STXBP5L: variants seen among roughly 807,000 people sequenced by gnomAD.
STXBP5L encodes syntaxin-binding protein 5-like.
Under a neutral mutation model 144.5 loss-of-function variants are expected in STXBP5L, and 65 were observed. The ratio of observed to expected loss-of-function variants is 0.45; its 90% confidence interval spans 0.37 to 0.55. The LOEUF (loss-of-function observed/expected upper bound fraction) is 0.55. STXBP5L is among the 20% of genes least tolerant of loss of function. The pLI is 0.00. For synonymous variants in STXBP5L, 505 were observed against 469.6 expected (o/e 1.08, Z -0.97); for missense variants, 1,298 against 1,405.5 (o/e 0.92, Z 1.22).
chr3:121,173,020 G>T (rs1157684267), intron 9 of STXBP5L, among the ~76,000 whole-genome samples: 1 of 152,146 alleles, frequency 6.6e-6, no homozygotes, highest in African/African-American at 2.4e-5. Context: ...ATGAGTTCAT[G>T]TTCTTTATAA....
At chr3:121,342,382 A>C (rs2044746954) in intron 20 of STXBP5L, among the ~76,000 whole-genome samples, 1 of 152,064 alleles carries the variant, frequency 6.6e-6, no homozygotes, top group South Asian at 2.1e-4. Context: ...GTTTTAGGGT[A>C]CATGTGCACA....
intron 9 of STXBP5L, among the ~76,000 whole-genome samples, chr3:121,159,158 G>C (rs890380571): frequency 2.6e-5 from 4 of 151,304 alleles, no homozygotes; most frequent in Non-Finnish European, 5.9e-5. Context: ...TTTTCTCTAA[G>C]TACCACTTTA....
intron 5 of STXBP5L, among the ~76,000 whole-genome samples, chr3:121,089,525 G>T (rs1025539516): frequency 1.2e-4 from 2 of 16,208 alleles, no homozygotes; most frequent in Non-Finnish European, 2.9e-4. Context: ...CTGCTTTAAA[G>T]ATTTTTTTTT....
intron 5 of STXBP5L, among the ~76,000 whole-genome samples, chr3:121,069,612 T>A (rs1449543327): frequency 1.3e-5 from 2 of 152,208 alleles, no homozygotes; most frequent in Non-Finnish European, 2.9e-5. Context: ...ACCAGAAATA[T>A]GTAGGAGATC....
At position 121,251,095 on chromosome 3, in the gene STXBP5L, T is replaced by G. The variant is rs1300076853; in HGVS notation, c.1441+332T>G. On this transcript the variant is annotated intron_variant, in intron 15 of 26. Transcript: ENST00000471454. The stretch of plus-strand genomic sequence containing the variant: ...TTTCCTTCACCCTCTACCTGTGTGG[T>G]CTTCGCCAAGTGCTTATATCCCTCT... Among the ~76,000 whole-genome samples the G allele has an allele frequency of 5.3e-5, 8 of 152,320 alleles. No individual in the cohort carries two copies. The East Asian group carries it at 1.2e-3, about 22-fold the overall frequency.
At chr3:121,029,897 C>G (rs1327719115) in intron 3 of STXBP5L, among the ~76,000 whole-genome samples, 2 of 151,398 alleles carry the variant, frequency 1.3e-5, no homozygotes, top group African/African-American at 2.4e-5. Flanking sequence ...CAAAAGAAGA[C>G]ATTTATGAGG....
intron 9 of STXBP5L, among the ~76,000 whole-genome samples, chr3:121,177,098 G>A (rs2046966272): frequency 6.6e-6 from 1 of 151,750 alleles, no homozygotes; most frequent in African/African-American, 2.4e-5. Flanking sequence ...ATTTATAAAG[G>A]AAAAAATATG....
chr3:121,121,603 G>A (rs372647028), intron 6 of STXBP5L, 38 bp from the exon 7 acceptor site: 2 of 1,463,920 alleles, frequency 1.4e-6, no homozygotes, highest in Non-Finnish European at 1.9e-6. Context: ...GTATTTTAAT[G>A]TTTGGTTTTT....
intron 20 of STXBP5L, among the ~76,000 whole-genome samples, chr3:121,361,179 A>G (rs926557913): frequency 6.6e-6 from 1 of 152,036 alleles, no homozygotes; most frequent in Non-Finnish European, 1.5e-5. Context: ...GTTCCATTGT[A>G]TGTTATTTGT....
chr3:121,055,624 C>T (rs1026654361), intron 5 of STXBP5L, among the ~76,000 whole-genome samples: 1 of 151,946 alleles, frequency 6.6e-6, no homozygotes, highest in Non-Finnish European at 1.5e-5. Context: ...AATCCTCCCG[C>T]CTCAGCCTCC....
At chr3:121,031,165 T>A (rs1389013760) in intron 3 of STXBP5L, among the ~76,000 whole-genome samples, 2 of 152,120 alleles carry the variant, frequency 1.3e-5, no homozygotes, top group African/African-American at 2.4e-5. Context: ...ATTTGAATAT[T>A]ATTCTCGTGG....
At position 121,293,681 on chromosome 3, in the gene STXBP5L, G is replaced by A. The variant is rs922695858; in HGVS notation, c.2110+13725G>A. Among the ~76,000 whole-genome samples, 8 of 152,146 alleles carry A rather than the reference G, an allele frequency of 5.3e-5. No individual in the cohort carries two copies. The South Asian group carries it at 1.4e-3, about 28-fold the overall frequency. On this transcript the variant is annotated intron_variant, in intron 19 of 26. Coordinates refer to ENST00000471454, the MANE Select transcript of STXBP5L (RefSeq NM_001308330.2). ...TCAAGACAAGCCTGGCCAATATGGC[G>A]AAACCCTGTCTCTACTAAAAATACA...
chr3:121,378,946 G>A (rs1007033210), intron 21 of STXBP5L, 60 bp downstream of exon 21: 4 of 1,517,202 alleles, frequency 2.6e-6, no homozygotes, highest in Non-Finnish European at 2.7e-6. Flanking sequence ...AATGGTAATG[G>A]GAACAGAGAT....
chr3:121,360,892 A>T (rs74823071), intron 20 of STXBP5L, among the ~76,000 whole-genome samples: 3,944 of 152,130 alleles, frequency 0.026, 180 homozygotes, highest in African/African-American at 0.09. Context: ...TAAGTTTTGT[A>T]CCTTCAGGTG....
At chr3:121,073,891 T>G (rs2041912574) in intron 5 of STXBP5L, among the ~76,000 whole-genome samples, 1 of 152,196 alleles carries the variant, frequency 6.6e-6, no homozygotes, top group Non-Finnish European at 1.5e-5. Context: ...ATGCTGCCCC[T>G]GAGAGATGTT....
At chr3:120,963,222 C>T (rs960183724) in intron 3 of STXBP5L, among the ~76,000 whole-genome samples, 21 of 152,282 alleles carry the variant, frequency 1.4e-4, no homozygotes, top group Admixed American at 1.2e-3. Context: ...CATCTGCAAA[C>T]AGGGACAATT....
At chr3:120,995,255 C>T (rs958708618) in intron 3 of STXBP5L, among the ~76,000 whole-genome samples, 9 of 152,138 alleles carry the variant, frequency 5.9e-5, no homozygotes, top group African/African-American at 2.2e-4. Context: ...TCAAGCGATC[C>T]TTTCACTTCA....
intron 11 of STXBP5L, among the ~76,000 whole-genome samples, chr3:121,223,970 T>C (rs1043111410): frequency 6.6e-6 from 1 of 151,806 alleles, no homozygotes; most frequent in African/African-American, 2.4e-5. Context: ...ATCTAAAAAG[T>C]GAGAAAAGTG....
chr3:121,057,730 CTCTT>C (rs1251435833), intron 5 of STXBP5L, among the ~76,000 whole-genome samples: 1 of 151,758 alleles, frequency 6.6e-6, no homozygotes, highest in Admixed American at 6.6e-5. Context: ...TATTTTAGTT[CTCTT>C]TCTTAAACTT....
Sources: allele counts gnomAD v4.1 joint callset (sites outside exome capture counted in the v4.1 genomes callset), GRCh38; gene constraint gnomAD v4.1.1; transcripts MANE v1.5; gene names NCBI Gene and HGNC (gene_info 2026-07-23, HGNC 2026-07-21).